The following PLXNA1 variants were observed in gnomAD, a reference collection of about 807,000 sequenced individuals.
PLXNA1 encodes plexin A1.
A neutral mutation model predicts 191.7 loss-of-function variants in PLXNA1; 77 were observed. The ratio of observed to expected loss-of-function variants is 0.40; its 90% CI spans 0.33 to 0.49. The LOEUF (loss-of-function observed/expected upper bound fraction) is 0.49. Among genes scored for constraint, PLXNA1 ranks in the 20% least tolerant of loss-of-function variants. PLXNA1 has a pLI of 0.63. For missense variants in PLXNA1, 2,110 were observed against 2,660.2 expected, an observed-to-expected ratio of 0.79 and a Z score of 4.55; for synonymous variants, 1,137 against 1,156.4, an observed-to-expected ratio of 0.98 and a Z score of 0.34.
intron 2 of PLXNA1, among the ~76,000 whole-genome samples, chr3:126,990,993 C>T (rs1253200676): frequency 1.3e-5 from 2 of 152,128 alleles, no homozygotes; most frequent in African/African-American, 4.8e-5. Flanking sequence ...GCCTCCCCTG[C>T]TCCTTCCTCC....
chr3:127,031,422 C>T (rs1438522508), intron 29 of PLXNA1, among the ~76,000 whole-genome samples: 1 of 152,160 alleles, frequency 6.6e-6, no homozygotes. Context: ...GGTGGATGCC[C>T]TTGCCTGTAT....
At chr3:127,010,213 G>A (rs116559188) in intron 9 of PLXNA1, among the ~76,000 whole-genome samples, 377 of 152,280 alleles carry the variant, frequency 2.5e-3, no homozygotes, top group African/African-American at 8.6e-3. Flanking sequence ...ACCTGGCTCT[G>A]AAGAAGGACC....
At chr3:127,016,038 G>A (rs1346346435) in intron 15 of PLXNA1, among the ~76,000 whole-genome samples, 2 of 152,134 alleles carry the variant, frequency 1.3e-5, no homozygotes, top group Admixed American at 1.3e-4. Flanking sequence ...CCGGCTGAGT[G>A]AGGCTGGCCC....
chr3:127,009,344 A>T (rs2079084356), intron 9 of PLXNA1, among the ~76,000 whole-genome samples: 1 of 151,952 alleles, frequency 6.6e-6, no homozygotes, highest in Non-Finnish European at 1.5e-5. Context: ...CCCCTGGAGT[A>T]GTGGCCCTAG....
intron 10 of PLXNA1, among the ~76,000 whole-genome samples, chr3:127,013,747 G>A (rs2079107079): frequency 6.6e-6 from 1 of 152,244 alleles, no homozygotes; most frequent in Non-Finnish European, 1.5e-5. Flanking sequence ...GAGGCTGCCT[G>A]TGGTTGGAGG....
At chr3:127,003,500 C>A in intron 4 of PLXNA1, 30 bp downstream of exon 4, 1 of 1,564,126 alleles carries the variant, frequency 6.4e-7, no homozygotes, top group Non-Finnish European at 8.7e-7. Flanking sequence ...GACGGTGTGG[C>A]TGAAGGTGGG....
At chr3:127,019,789 G>A (rs780312551) in intron 20 of PLXNA1, among the ~76,000 whole-genome samples, 38 of 152,166 alleles carry the variant, frequency 2.5e-4, no homozygotes, top group Middle Eastern at 3.2e-3. Flanking sequence ...CACCAGGCCC[G>A]AGATGTGCAT....
At chr3:126,984,961 C>A (rs1216996574) in intron 1 of PLXNA1, among the ~76,000 whole-genome samples, 1 of 152,206 alleles carries the variant, frequency 6.6e-6, no homozygotes, top group Non-Finnish European at 1.5e-5. Flanking sequence ...AGCAGAACCA[C>A]TGGGACCACC....
At position 127,014,478 on chromosome 3, in the gene PLXNA1, C is replaced by T. The variant is rs1364976700; in HGVS notation, c.2605C>T (p.Leu869=). 4.4e-6 allele frequency: 7 copies of T among 1,601,532 alleles called. No homozygotes were observed. Among genetic ancestry groups the T allele is most frequent in the Non-Finnish European group, 5.9e-6 (7 of 1,179,400 alleles). ...SRCTDPKILK[L]SPETGPRQGG... is the part of the protein sequence containing the mutation. ...GTACCCCAGCCTCTGCCTCCCTCAGCTGTCCCCCGAGACGGGCCCGAGGCA... is the reference window on the plus strand; with the variant it reads ...GTACCCCAGCCTCTGCCTCCCTCAGTTGTCCCCCGAGACGGGCCCGAGGCA... Residue 869 remains leucine (L), a splice_region_variant and synonymous_variant, in exon 13 of 32, where the codon CTG becomes TTG. Coordinates refer to ENST00000393409, the MANE Select transcript of PLXNA1 (RefSeq NM_032242.4).
chr3:127,033,380 G>C (rs993131510), intron 31 of PLXNA1, among the ~76,000 whole-genome samples: 4 of 152,204 alleles, frequency 2.6e-5, no homozygotes, highest in Non-Finnish European at 5.9e-5. Context: ...GGGCTAAGAA[G>C]GCCACGGGAG....
Position 126,989,563 on chromosome 3 carries a change from C to T in PLXNA1, c.970C>T (p.Leu324=), listed in dbSNP as rs762452723. The T allele has an allele frequency of 3.7e-5, 59 of 1,613,136 alleles. 1 individual carries two copies. The Admixed American group carries it at 9.7e-4, about 26-fold the overall frequency. Residue 324 remains leucine, a synonymous_variant, in exon 2 of 32, where the codon CTG becomes TTG. Transcript: ENST00000393409. ...DAYLSRPGRA[L]AHQLGLAEDE... The stretch of plus-strand genomic sequence containing the variant: ...CTACCTGAGCCGGCCCGGCCGTGCC[C>T]TGGCCCACCAGCTGGGCCTGGCTGA...
Position 127,028,227 on chromosome 3 carries a change from C to G in PLXNA1, c.4556C>G (p.Pro1519Arg), listed in dbSNP as rs768988256. 6.2e-7 allele frequency: 1 copy of G among 1,612,960 alleles called. No homozygotes were observed. Among genetic ancestry groups the G allele is most frequent in the African/African-American group, 1.3e-5 (1 of 74,938 alleles). Residue 1519 changes from proline (P) to arginine (R), a missense_variant, in exon 25 of 32, where the codon CCG becomes CGG. Physicochemically the swap from Pro to Arg is moderately radical, Grantham distance 103. Coordinates refer to ENST00000393409, the MANE Select transcript of PLXNA1 (RefSeq NM_032242.4). ...NPENENAPEV[P>R]VKGLDCDTVT... is the part of the protein sequence containing the mutation. ...GAGAATGAGAATGCACCTGAGGTGC[C>G]GGTGAAGGGGCTGGACTGTGACACG...
rs1181956244 is a variant in PLXNA1, at chr3:127,006,173, C to T, written c.1992C>T (p.His664=). ...TCGTCTTCTACAACTGCAGCGTCCA[C>T]CAGTCGTGAGTGTCTCTAGGCCCCT... ...VDFVFYNCSV[H]QSCLSCVNGS... Residue 664 remains histidine, a synonymous_variant, in exon 8 of 32, where the codon CAC becomes CAT. Transcript: ENST00000393409. 1.9e-6 allele frequency: 3 copies of T among 1,612,962 alleles called. No homozygotes were observed. Among genetic ancestry groups the T allele is most frequent in the Non-Finnish European group, 2.5e-6 (3 of 1,179,422 alleles).
chr3:127,027,937 C>T lies in PLXNA1; in HGVS notation c.4363-3C>T, dbSNP rs1394371034. Reference sequence around the variant, plus strand: ...CTGCAGCCTCATGCCGCCACCCCCGCAGGAGTGCGCTGGGGAGCCGCTGTT... The same window carrying T: ...CTGCAGCCTCATGCCGCCACCCCCGTAGGAGTGCGCTGGGGAGCCGCTGTT... On this transcript the variant is annotated splice_polypyrimidine_tract_variant and splice_region_variant and intron_variant, in intron 23 of 31. Coordinates refer to ENST00000393409, the MANE Select transcript of PLXNA1 (RefSeq NM_032242.4). The T allele has an allele frequency of 1.2e-6, 2 of 1,613,060 alleles. No individual in the cohort carries two copies. The highest frequency in any genetic ancestry group is 1.3e-5 in the African/African-American group (1 of 74,872).
intron 27 of PLXNA1, 43 bp from the exon 28 acceptor site, chr3:127,029,831 C>A: frequency 6.6e-7 from 1 of 1,524,264 alleles, no homozygotes; most frequent in Admixed American, 2.0e-5. Context: ...GCGGGGGGTG[C>A]GGGGTGCCAG....
rs2107640165 is a variant in PLXNA1 at position 127,034,105 on chromosome 3, C to T, written c.*88C>T. On this transcript the variant is annotated 3_prime_UTR_variant, in exon 32 of 32. Transcript: ENST00000393409. ...CCCTCACCGCATGCGTGTGGAGTGT[C>T]CGGTGGTGCTCGGGCCGCCGCAGTG... 8.1e-7 allele frequency: 1 copy of T among 1,235,262 alleles called. No individual in the cohort carries two copies. Among genetic ancestry groups the T allele is most frequent in the East Asian group, 2.6e-5 (1 of 38,728 alleles). The allele number at this position is 1,235,262 out of a possible 1,614,324, so 76.5% of individuals were successfully genotyped here. A position where few individuals can be genotyped will look rare whatever the true frequency, so the allele number is the denominator to read the frequency against.
intron 4 of PLXNA1, among the ~76,000 whole-genome samples, chr3:127,004,039 G>A (rs2079053579): frequency 6.6e-6 from 1 of 152,220 alleles, no homozygotes; most frequent in African/African-American, 2.4e-5. Context: ...GGCAGATGGG[G>A]CAGGTGGGGC....
At position 126,989,465 on chromosome 3, in the gene PLXNA1, A is replaced by G. The variant is rs2107620364; in HGVS notation, c.872A>G (p.Lys291Arg). Residue 291 changes from lysine (K) to arginine (R), a missense_variant, in exon 2 of 32, where the codon AAA becomes AGA. Lys to Arg is a conservative substitution (Grantham distance 26). Transcript: ENST00000393409. The stretch of plus-strand genomic sequence containing the variant: ...GTGCGGCTCTGTGTGGACGACCCCA[A>G]ATTCTACTCGTACGTTGAGTTCCCC... Reference protein sequence around the residue: ...KIVRLCVDDPKFYSYVEFPIG... With the variant: ...KIVRLCVDDPRFYSYVEFPIG... 9 of 1,613,576 alleles carry G rather than the reference A, an allele frequency of 5.6e-6. No individual in the cohort carries two copies. The highest frequency in any genetic ancestry group is 1.6e-4 in the Middle Eastern group (1 of 6,062).
intron 23 of PLXNA1, among the ~76,000 whole-genome samples, chr3:127,025,878 T>C (rs935973139): frequency 2.0e-5 from 3 of 152,258 alleles, no homozygotes; most frequent in African/African-American, 4.8e-5. Context: ...GAACACAAAC[T>C]CTTTTTAAAC....
Sources: allele counts gnomAD v4.1 joint callset (sites outside exome capture counted in the v4.1 genomes callset), GRCh38; gene constraint gnomAD v4.1.1; transcripts MANE v1.5; gene names NCBI Gene and HGNC (gene_info 2026-07-23, HGNC 2026-07-21).